HTR1D: variants seen among roughly 807,000 people sequenced by gnomAD.
The protein encoded by HTR1D is 5-HT-1D.
A neutral mutation model predicts 21.1 loss-of-function variants in HTR1D; 18 were observed. The ratio of observed to expected loss-of-function variants is 0.85; its 90% CI spans 0.59 to 1.27. The LOEUF (loss-of-function observed/expected upper bound fraction) is 1.27, where lower values mean the gene tolerates loss of function less well. Among genes scored for constraint, HTR1D ranks in the 50% most tolerant of loss-of-function variants. HTR1D has a pLI of 0.00. For synonymous variants in HTR1D, 196 were observed against 204.4 expected, an observed-to-expected ratio of 0.96 and a Z score of 0.35; for missense variants, 456 against 481.4, an observed-to-expected ratio of 0.95 and a Z score of 0.49.
rs372811454 is a variant in HTR1D, at chr1:23,202,370, T to C, written c.-782-7369A>G. 2.9e-3 allele frequency among the ~76,000 whole-genome samples: 439 copies of C among 152,176 alleles called. 1 individual carries two copies. Among genetic ancestry groups the C allele is most frequent in the African/African-American group, 9.9e-3 (411 of 41,532 alleles). On this transcript the variant is annotated intron_variant, in intron 1 of 1. Transcript: ENST00000374619. ...AGCCTCCCAAAGTGCTGGGGTTACATGCATGAGCCACCGCACCTGGCCAGC... is the reference window on the plus strand; with the variant it reads ...AGCCTCCCAAAGTGCTGGGGTTACACGCATGAGCCACCGCACCTGGCCAGC...
Position 23,194,067 on chromosome 1 carries a change from G to A in HTR1D, c.153C>T (p.Ala51=). Residue 51 remains alanine, a synonymous_variant, in exon 2 of 2, where the codon GCC becomes GCT. Coordinates refer to ENST00000374619, the MANE Select transcript of HTR1D (RefSeq NM_000864.5). ...GTACAAAGGCATTGGAGAGGACTGT[G>A]GCCAGTGTGATGACGGAAAGGACCA... is the stretch of plus-strand genomic sequence containing the variant. ...LAVVLSVITL[A]TVLSNAFVLT... The A allele has an allele frequency of 1.9e-6, 3 of 1,614,184 alleles. No individual in the cohort carries two copies. The highest frequency in any genetic ancestry group is 2.5e-6 in the Non-Finnish European group (3 of 1,180,036).
Position 23,193,753 on chromosome 1 carries a change from G to C in HTR1D, c.467C>G (p.Ala156Gly), listed in dbSNP as rs751143153. 2 of 1,614,152 alleles carry C rather than the reference G, an allele frequency of 1.2e-6. No homozygotes were observed. Among genetic ancestry groups the C allele is most frequent in the South Asian group, 1.1e-5 (1 of 91,086 alleles). The stretch of plus-strand genomic sequence containing the variant: ...GGCCCAGACAATGGCGATCATGGTG[G>C]CCGCGTGGCCAGCCGTCCTGCGTTT... The part of the protein sequence containing the change: ...YSKRRTAGHA[A>G]TMIAIVWAIS... Residue 156 changes from alanine (A) to glycine (G), a missense_variant, in exon 2 of 2, where the codon GCC (alanine) becomes GGC (glycine). Transcript: ENST00000374619.
chr1:23,214,150 G>T (rs956568536), intron 1 of HTR1D, among the ~76,000 whole-genome samples: 3 of 152,196 alleles, frequency 2.0e-5, no homozygotes, highest in Non-Finnish European at 4.4e-5. Flanking sequence ...TTTTTGGCTG[G>T]GTGCAATGGC....
chr1:23,212,879 C>T (rs1644759081), intron 1 of HTR1D, among the ~76,000 whole-genome samples: 1 of 151,324 alleles, frequency 6.6e-6, no homozygotes, highest in Non-Finnish European at 1.5e-5. Context: ...TAGGCTGGAG[C>T]ACAGCGGCTC....
In HTR1D at chr1:23,194,971, G is replaced by C. The variant is rs541080273; in HGVS notation, c.-752C>G. Among the ~76,000 whole-genome samples, 1 of 152,166 alleles carries C rather than the reference G, an allele frequency of 6.6e-6. No individual in the cohort carries two copies. Among genetic ancestry groups the C allele is most frequent in the South Asian group, 2.1e-4 (1 of 4,822 alleles). On this transcript the variant is annotated 5_prime_UTR_variant, in exon 2 of 2. Coordinates refer to ENST00000374619, the MANE Select transcript of HTR1D (RefSeq NM_000864.5). ...CAGGCAAAACAAACAGATCACTGTGGGCTCACAGAGCAGGGACACATTCAG... is the reference window on the plus strand; with the variant it reads ...CAGGCAAAACAAACAGATCACTGTGCGCTCACAGAGCAGGGACACATTCAG...
intron 1 of HTR1D, among the ~76,000 whole-genome samples, chr1:23,199,415 CTTTTTTTTTTTTTTTTTTTTTTTTT>C (rs71020483): frequency 2.2e-5 from 1 of 46,298 alleles, no homozygotes; most frequent in Non-Finnish European, 3.8e-5. Context: ...CATGTGTGGT[CTTTTTTTTTTTTTTTTTTTTTTTTT>C]TTTTTTTTTT....
At chr1:23,198,226 C>T (rs1417257322) in intron 1 of HTR1D, among the ~76,000 whole-genome samples, 2 of 150,262 alleles carry the variant, frequency 1.3e-5, no homozygotes, top group Middle Eastern at 6.9e-3. Flanking sequence ...ATTAGCCGGG[C>T]ACAGTGGTGG....
intron 1 of HTR1D, among the ~76,000 whole-genome samples, chr1:23,211,418 T>C (rs891893525): frequency 2.0e-5 from 3 of 152,158 alleles, no homozygotes; most frequent in Non-Finnish European, 2.9e-5. Context: ...CCCTGAGGTT[T>C]CACTGTGAAA....
At chr1:23,213,014 C>G (rs999805506) in intron 1 of HTR1D, among the ~76,000 whole-genome samples, 2 of 152,010 alleles carry the variant, frequency 1.3e-5, no homozygotes, top group African/African-American at 4.8e-5. Flanking sequence ...TTTGTAGAGA[C>G]AGGGTTTCAC....
At chr1:23,195,887 G>T (rs1360273150) in intron 1 of HTR1D, among the ~76,000 whole-genome samples, 1 of 152,072 alleles carries the variant, frequency 6.6e-6, no homozygotes, top group Non-Finnish European at 1.5e-5. Context: ...AGAGTGCGGT[G>T]GCATGACCAC....
At chr1:23,195,826 A>G (rs1003673648) in intron 1 of HTR1D, among the ~76,000 whole-genome samples, 1 of 151,894 alleles carries the variant, frequency 6.6e-6, no homozygotes, top group Non-Finnish European at 1.5e-5. Flanking sequence ...TTTAAAAATC[A>G]TTTGTTTATT....
chr1:23,194,971 G>A lies in HTR1D; in HGVS notation c.-752C>T, dbSNP rs541080273. 2.6e-4 allele frequency among the ~76,000 whole-genome samples: 40 copies of A among 152,048 alleles called. No individual in the cohort carries two copies. Among genetic ancestry groups the A allele is most frequent in the Non-Finnish European group, 3.5e-4 (24 of 68,028 alleles). On this transcript the variant is annotated 5_prime_UTR_variant, in exon 2 of 2. Transcript: ENST00000374619. ...CAGGCAAAACAAACAGATCACTGTG[G>A]GCTCACAGAGCAGGGACACATTCAG...
At chr1:23,204,803 C>A (rs1230716611) in intron 1 of HTR1D, among the ~76,000 whole-genome samples, 1 of 152,168 alleles carries the variant, frequency 6.6e-6, no homozygotes, top group Non-Finnish European at 1.5e-5. Flanking sequence ...AGAGCTGTTC[C>A]AGCCAAACCC....
intron 1 of HTR1D, among the ~76,000 whole-genome samples, chr1:23,209,213 G>A (rs1013791608): frequency 2.6e-5 from 4 of 152,046 alleles, no homozygotes; most frequent in Non-Finnish European, 5.9e-5. Flanking sequence ...TGGCTAGGCT[G>A]GTCTCCAAAT....
chr1:23,193,271 A>G lies in HTR1D; in HGVS notation c.949T>C (p.Phe317Leu). The G allele has an allele frequency of 6.2e-7, 1 of 1,614,176 alleles. No individual in the cohort carries two copies. Among genetic ancestry groups the G allele is most frequent in the Non-Finnish European group, 8.5e-7 (1 of 1,180,036 alleles). Residue 317 changes from phenylalanine to leucine, a missense_variant, in exon 2 of 2, where the codon TTC (phenylalanine) becomes CTC (leucine). Transcript: ENST00000374619. ...GGGAGGACCAGAGACACCACGAAGAAGGGCAGCCAGCAGATGATAAAGGCC... is the reference window on the plus strand; with the variant it reads ...GGGAGGACCAGAGACACCACGAAGAGGGGCAGCCAGCAGATGATAAAGGCC... ...LGAFIICWLP[F>L]FVVSLVLPIC...
intron 1 of HTR1D, among the ~76,000 whole-genome samples, chr1:23,202,690 C>T (rs1295324247): frequency 2.6e-5 from 4 of 152,192 alleles, no homozygotes; most frequent in African/African-American, 9.6e-5. Context: ...GCTGTGTACA[C>T]AGATGAGTGA....
chr1:23,202,370 T>G (rs372811454), intron 1 of HTR1D, among the ~76,000 whole-genome samples: 1 of 152,060 alleles, frequency 6.6e-6, no homozygotes, highest in South Asian at 2.1e-4. Context: ...TGGGGTTACA[T>G]GCATGAGCCA....
chr1:23,204,275 G>A (rs990163619), intron 1 of HTR1D, among the ~76,000 whole-genome samples: 5 of 152,048 alleles, frequency 3.3e-5, no homozygotes, highest in Admixed American at 1.3e-4. Flanking sequence ...ACAGGCACTG[G>A]CCACCACGCC....
intron 1 of HTR1D, among the ~76,000 whole-genome samples, chr1:23,207,364 G>A (rs1178330885): frequency 2.0e-5 from 3 of 152,122 alleles, no homozygotes; most frequent in South Asian, 4.1e-4. Context: ...AGCTGAGATC[G>A]TGCTACTGCA....
Sources: allele counts gnomAD v4.1 joint callset (sites outside exome capture counted in the v4.1 genomes callset), GRCh38; gene constraint gnomAD v4.1.1; transcripts MANE v1.5; gene names NCBI Gene and HGNC (gene_info 2026-07-23, HGNC 2026-07-21).